Variants in SPPL3 observed in about 807,000 individuals in gnomAD.
The protein encoded by SPPL3 is signal peptide peptidase like 3, also known as signal peptide peptidase-like 3.
SPPL3 carries 5 observed loss-of-function variants against 42.4 expected under a neutral mutation model. That is an observed-to-expected ratio of 0.12 (90% CI 0.06 to 0.25). The LOEUF (loss-of-function observed/expected upper bound fraction) is 0.25, where lower values mean the gene tolerates loss of function less well. SPPL3 is among the 10% of genes least tolerant of loss of function. SPPL3 has a pLI of 1.00. For synonymous variants in SPPL3, 195 were observed against 181.8 expected (o/e 1.07, Z -0.58); for missense variants, 235 against 489.0 (o/e 0.48, Z 4.90).
At chr12:120,780,314 A>G (rs1869482814) in intron 6 of SPPL3, among the ~76,000 whole-genome samples, 1 of 151,312 alleles carries the variant, frequency 6.6e-6, no homozygotes, top group Non-Finnish European at 1.5e-5. Flanking sequence ...AATAAAAAAA[A>G]TTGTCTGGGT....
chr12:120,866,040 C>T (rs985169588), intron 1 of SPPL3, among the ~76,000 whole-genome samples: 1 of 152,210 alleles, frequency 6.6e-6, no homozygotes, highest in African/African-American at 2.4e-5. Context: ...TGATTCCCAT[C>T]ACACTCAGGT....
chr12:120,831,827 C>T (rs1871435563), intron 1 of SPPL3, among the ~76,000 whole-genome samples: 1 of 152,164 alleles, frequency 6.6e-6, no homozygotes, highest in Non-Finnish European at 1.5e-5. Flanking sequence ...CCCCCTCACA[C>T]CACTACCACC....
chr12:120,880,883 A>G (rs1056102134), intron 1 of SPPL3, among the ~76,000 whole-genome samples: 1 of 146,852 alleles, frequency 6.8e-6, no homozygotes, highest in Admixed American at 6.8e-5. Context: ...CAACCCAGCC[A>G]AAAAAAAAAA....
At chr12:120,808,932 G>A (rs1230709402) in intron 2 of SPPL3, among the ~76,000 whole-genome samples, 1 of 152,132 alleles carries the variant, frequency 6.6e-6, no homozygotes, top group African/African-American at 2.4e-5. Flanking sequence ...TAAAATACTT[G>A]TCCACAGGGT....
At chr12:120,890,043 C>T (rs372192506) in intron 1 of SPPL3, among the ~76,000 whole-genome samples, 12 of 149,952 alleles carry the variant, frequency 8.0e-5, no homozygotes, top group African/African-American at 2.9e-4. Context: ...GTCGGGAGTT[C>T]GAGACCAGAC....
chr12:120,825,807 C>G (rs1452512262), intron 1 of SPPL3, among the ~76,000 whole-genome samples: 1 of 152,100 alleles, frequency 6.6e-6, no homozygotes, highest in African/African-American at 2.4e-5. Flanking sequence ...GCAGAAGAGA[C>G]TAGAATCAAG....
intron 3 of SPPL3, 61 bp downstream of exon 3, chr12:120,791,408 T>A: frequency 8.2e-7 from 1 of 1,223,786 alleles, no homozygotes; most frequent in Non-Finnish European, 1.2e-6. Flanking sequence ...ACTGGAGGTA[T>A]AGAAACAGCC....
At chr12:120,869,253 G>A (rs1207858164) in intron 1 of SPPL3, among the ~76,000 whole-genome samples, 1 of 152,222 alleles carries the variant, frequency 6.6e-6, no homozygotes, top group East Asian at 1.9e-4. Flanking sequence ...GAGTACTGCT[G>A]TAGGTGATGC....
chr12:120,788,599 G>A (rs150493273), intron 3 of SPPL3, among the ~76,000 whole-genome samples: 25 of 152,220 alleles, frequency 1.6e-4, no homozygotes, highest in African/African-American at 5.3e-4. Flanking sequence ...GTAATCGTAA[G>A]AGTAACCCTT....
chr12:120,789,284 T>C lies in SPPL3; in HGVS notation c.190+2185A>G, dbSNP rs567930187. On this transcript the variant is annotated intron_variant, in intron 3 of 10. Transcript: ENST00000353487. ...GCCAGGGCAACATGGTGAAACCCCA[T>C]CTCTACTAAAAATACAAAAATTAGC... is the stretch of plus-strand genomic sequence containing the variant. Among the ~76,000 whole-genome samples, 7 of 151,348 alleles carry C rather than the reference T, an allele frequency of 4.6e-5. No individual in the cohort carries two copies. The East Asian group carries it at 9.8e-4, about 21-fold the overall frequency.
intron 1 of SPPL3, among the ~76,000 whole-genome samples, chr12:120,852,068 T>C (rs1367342838): frequency 1.4e-5 from 2 of 143,520 alleles, no homozygotes; most frequent in Non-Finnish European, 3.0e-5. Context: ...GATGTCATTG[T>C]GTTTCACTGA....
intron 2 of SPPL3, among the ~76,000 whole-genome samples, chr12:120,803,457 T>C (rs1395525657): frequency 6.6e-6 from 1 of 152,124 alleles, no homozygotes; most frequent in South Asian, 2.1e-4. Flanking sequence ...GAGGACACTG[T>C]GAATTACTGG....
intron 1 of SPPL3, among the ~76,000 whole-genome samples, chr12:120,886,729 T>C (rs1254360503): frequency 1.3e-5 from 2 of 152,048 alleles, no homozygotes; most frequent in Non-Finnish European, 2.9e-5. Flanking sequence ...ACTAAAGAAC[T>C]AGAAATACAG....
At chr12:120,849,597 C>T (rs1158550383) in intron 1 of SPPL3, among the ~76,000 whole-genome samples, 1 of 152,152 alleles carries the variant, frequency 6.6e-6, no homozygotes, top group African/African-American at 2.4e-5. Context: ...ATACTCTGTA[C>T]GAAGTGATTT....
chr12:120,875,934 T>A (rs1873072178), intron 1 of SPPL3, among the ~76,000 whole-genome samples: 1 of 151,856 alleles, frequency 6.6e-6, no homozygotes, highest in African/African-American at 2.4e-5. Context: ...TGGAGTGGTG[T>A]CAATATCAAC....
intron 1 of SPPL3, among the ~76,000 whole-genome samples, chr12:120,839,780 G>A (rs946578407): frequency 2.6e-5 from 4 of 151,840 alleles, no homozygotes; most frequent in African/African-American, 9.7e-5. Flanking sequence ...TAAACACAGA[G>A]TTACCATATG....
intron 6 of SPPL3, chr12:120,770,139 C>G (rs1430594068): frequency 6.6e-6 from 1 of 152,210 alleles, no homozygotes; most frequent in Non-Finnish European, 1.5e-5. Flanking sequence ...CCTCTGCCTC[C>G]TGGGCTCAAG....
At chr12:120,830,606 A>AG (rs377406347) in intron 1 of SPPL3, among the ~76,000 whole-genome samples, 368 of 124,452 alleles carry the variant, frequency 3.0e-3, no homozygotes, top group East Asian at 3.9e-3. Flanking sequence ...AGAGAGAGAG[A>AG]AGGTGTACAT....
At chr12:120,830,120 C>T (rs565376533) in intron 1 of SPPL3, among the ~76,000 whole-genome samples, 6 of 149,272 alleles carry the variant, frequency 4.0e-5, no homozygotes, top group African/African-American at 7.4e-5. Flanking sequence ...CTCATGGTAG[C>T]TGTGAGAAGT....
Sources: gnomAD v4.1 joint callset for allele counts (sites outside exome capture counted in the v4.1 genomes callset) on GRCh38, gnomAD v4.1.1 for gene constraint, MANE v1.5 for transcripts, NCBI Gene and HGNC (gene_info 2026-07-23, HGNC 2026-07-21) for gene names.